The following RPL37 variants were observed in gnomAD, a reference collection of about 807,000 sequenced individuals.
The protein encoded by RPL37 is large ribosomal subunit protein eL37.
RPL37 carries 1 observed loss-of-function variant against 14.8 expected under a neutral mutation model. The observed-to-expected ratio is 0.07, with a 90% CI of 0.02 to 0.32. The LOEUF is 0.32. RPL37 is among the 10% of genes least tolerant of loss of function. The pLI is 1.00. For missense variants in RPL37, 100 were observed against 128.3 expected, an observed-to-expected ratio of 0.78 and a Z score of 1.06; for synonymous variants, 53 against 45.8, an observed-to-expected ratio of 1.16 and a Z score of -0.63.
chr5:40,834,906 C>T, intron 1 of RPL37: 1 of 611,060 alleles, frequency 1.6e-6, no homozygotes, highest in Non-Finnish European at 2.9e-6. Context: ...AACTCCTTCC[C>T]TCGGCTCCCA....
intron 3 of RPL37, 91 bp from the exon 4 acceptor site, chr5:40,832,664 T>A (rs1242291912): frequency 3.2e-6 from 3 of 931,172 alleles, no homozygotes; most frequent in East Asian, 4.8e-5. Flanking sequence ...TGCGCTTATC[T>A]CAGTTAAATG....
chr5:40,832,878 G>A, intron 3 of RPL37: 1 of 415,566 alleles, frequency 2.4e-6, no homozygotes. Flanking sequence ...CAGATTATTT[G>A]TGAAAATGGT....
In RPL37 at chr5:40,826,228, A is replaced by C. The variant is rs1176519759; in HGVS notation, c.*6276T>G. On this transcript the variant is annotated 3_prime_UTR_variant, in exon 4 of 4. Transcript: ENST00000274242. Reference sequence around the variant, plus strand: ...GATGTTTATTTGCAGAGCTACATAAATATAACCTTATTAGAATGGGATTTT... The same window carrying C: ...GATGTTTATTTGCAGAGCTACATAACTATAACCTTATTAGAATGGGATTTT... The C allele has an allele frequency of 1.3e-5, 2 of 152,246 alleles. No homozygotes were observed. Among genetic ancestry groups the C allele is most frequent in the Non-Finnish European group, 2.9e-5 (2 of 68,032 alleles). The allele number at this position is 152,246 out of a possible 1,614,324, so 9.4% of individuals were successfully genotyped here. A position where few individuals can be genotyped will look rare whatever the true frequency, so the allele number is the denominator to read the frequency against.
chr5:40,834,799 G>A (rs1745729679), intron 1 of RPL37, among the ~76,000 whole-genome samples, 193 bp from the exon 2 acceptor site: 1 of 152,178 alleles, frequency 6.6e-6, no homozygotes, highest in Non-Finnish European at 1.5e-5. Flanking sequence ...CTCCGCAAGA[G>A]TTGCAATGTT....
intron 3 of RPL37, among the ~76,000 whole-genome samples, chr5:40,833,597 C>T (rs1431857109): frequency 6.6e-6 from 1 of 152,200 alleles, no homozygotes; most frequent in Non-Finnish European, 1.5e-5. Context: ...CCCACAGCCA[C>T]TATACTAAAG....
rs1294179513 is a variant in RPL37, at chr5:40,828,389, TAA to T, written c.*4113_*4114del. The T allele has an allele frequency of 2.0e-5, 3 of 152,048 alleles. No homozygotes were observed. Among genetic ancestry groups the T allele is most frequent in the African/African-American group, 7.3e-5 (3 of 41,286 alleles). 9.4% of individuals were successfully genotyped at this position (152,048 alleles called of 1,614,324 possible). On this transcript the variant is annotated 3_prime_UTR_variant, in exon 4 of 4. Transcript: ENST00000274242. ...CAGGGTCTTTGTTTTGTTTTCCACT[TAA>T]AAGTTTCTGGGCCTAGATAGCTTTT... is the stretch of plus-strand genomic sequence containing the variant.
In RPL37 at chr5:40,825,396, A is replaced by C. The variant is rs138253080; in HGVS notation, c.*7108T>G. 1 of 152,218 alleles carries C rather than the reference A, an allele frequency of 6.6e-6. No individual in the cohort carries two copies. The highest frequency in any genetic ancestry group is 6.5e-5 in the Admixed American group (1 of 15,278). 9.4% of individuals were successfully genotyped at this position (152,218 alleles called of 1,614,324 possible). A position where few individuals can be genotyped will look rare whatever the true frequency, so the allele number is the denominator to read the frequency against. ...TTGCCTTTGCAAAACAAATGGAGAT[A>C]TATCAACTCTCATACAATTCTAAAA... On this transcript the variant is annotated 3_prime_UTR_variant, in exon 4 of 4. Coordinates refer to ENST00000274242, the MANE Select transcript of RPL37 (RefSeq NM_000997.5).
chr5:40,835,162 A>AAC (rs1561209654), intron 1 of RPL37, 21 bp downstream of exon 1: 2 of 1,614,102 alleles, frequency 1.2e-6, no homozygotes, highest in Admixed American at 3.3e-5. Context: ...GCGATTCACA[A>AAC]ACACCACAGT....
At chr5:40,834,406 T>C in intron 2 of RPL37, 65 bp downstream of exon 2, 1 of 1,592,516 alleles carries the variant, frequency 6.3e-7, no homozygotes, top group South Asian at 1.1e-5. Context: ...AGTTCAAACC[T>C]ATGCCCCCAC....
In RPL37 at chr5:40,832,527, C is replaced by G; in HGVS notation, c.271G>C (p.Val91Leu). The change falls in exon 4 of 4, where the codon GTT (valine) becomes CTT (leucine). Residue 91 changes from valine to leucine, a missense_variant. Transcript: ENST00000274242. ...GTTPKPKRAA[V>L]AASSSS ...TCTTAAGATGAACTGGATGCTGCAA[C>G]AGCTGCCCTCTTGGGTTTAGGTGTT... is the stretch of plus-strand genomic sequence containing the variant. 7.4e-6 allele frequency: 12 copies of G among 1,613,872 alleles called. No homozygotes were observed. The highest frequency in any genetic ancestry group is 1.0e-5 in the Non-Finnish European group (12 of 1,179,904).
rs148169602 is a variant in RPL37 at position 40,832,436 on chromosome 5, C to T, written c.*68G>A. On this transcript the variant is annotated 3_prime_UTR_variant, in exon 4 of 4. Transcript: ENST00000274242. ...CTACAAGCCTAATTGATTAAAAATA[C>T]CTTACCAAAACCAGATATGTATTTT... 2.6e-4 allele frequency: 352 copies of T among 1,361,196 alleles called. 1 individual carries two copies. The African/African-American group carries it at 3.8e-3, about 15-fold the overall frequency. 84.3% of individuals were successfully genotyped at this position (1,361,196 alleles called of 1,614,324 possible).
rs753431225 is a variant in RPL37 at position 40,829,675 on chromosome 5, G to GTATACATATATA, written c.*2828_*2829insTATATATGTATA. 3.0e-5 allele frequency: 2 copies of GTATACATATATA among 65,916 alleles called. No individual in the cohort carries two copies. Among genetic ancestry groups the GTATACATATATA allele is most frequent in the Non-Finnish European group, 6.3e-5 (2 of 31,680 alleles). The allele number at this position is 65,916 out of a possible 1,614,324, so 4.1% of individuals were successfully genotyped here. A position where few individuals can be genotyped will look rare whatever the true frequency, so the allele number is the denominator to read the frequency against. On this transcript the variant is annotated 3_prime_UTR_variant, in exon 4 of 4. Coordinates refer to ENST00000274242, the MANE Select transcript of RPL37 (RefSeq NM_000997.5). Reference sequence around the variant, plus strand: ...TATCCATCATAGTGTGTGTGTGTGTGTGTATATATATATATATATATATCA... The same window carrying GTATACATATATA: ...TATCCATCATAGTGTGTGTGTGTGTGTATACATATATATGTATATATATATATATATATATCA...
intron 3 of RPL37, 121 bp downstream of exon 3, chr5:40,834,060 T>A (rs547093604): frequency 1.4e-6 from 1 of 739,418 alleles, no homozygotes; most frequent in African/African-American, 1.8e-5. Context: ...CAACAATAAA[T>A]AAAAAGCTTC....
At chr5:40,833,916 G>A (rs373582424) in intron 3 of RPL37, 2 of 432,050 alleles carry the variant, frequency 4.6e-6, no homozygotes, top group East Asian at 4.7e-5. Flanking sequence ...ATGTGGCAGC[G>A]CACACCTGTA....
intron 2 of RPL37, 92 bp from the exon 3 acceptor site, chr5:40,834,357 G>T: frequency 6.4e-7 from 1 of 1,558,596 alleles, no homozygotes. Flanking sequence ...CACCTCATCG[G>T]CATACAGATG....
chr5:40,834,119 G>A lies in RPL37; in HGVS notation c.224+62C>T, dbSNP rs766534583. On this transcript the variant is annotated intron_variant, in intron 3 of 3. Coordinates refer to ENST00000274242, the MANE Select transcript of RPL37 (RefSeq NM_000997.5). ...TCAGGGTACTGTTATCTTTTTACAAGTAAACACGAGGGTTTCATTCAAGCC... is the reference window on the plus strand; with the variant it reads ...TCAGGGTACTGTTATCTTTTTACAAATAAACACGAGGGTTTCATTCAAGCC... 5 of 1,143,104 alleles carry A rather than the reference G, an allele frequency of 4.4e-6. No individual in the cohort carries two copies. The South Asian group carries it at 4.9e-5, about 11-fold the overall frequency. 70.8% of individuals were successfully genotyped at this position (1,143,104 alleles called of 1,614,324 possible). A position where few individuals can be genotyped will look rare whatever the true frequency, so the allele number is the denominator to read the frequency against.
Position 40,829,547 on chromosome 5 carries a change from CATG to C in RPL37, c.*2954_*2956del, listed in dbSNP as rs1235408189. The C allele has an allele frequency of 1.3e-5, 2 of 152,136 alleles. No individual in the cohort carries two copies. Among genetic ancestry groups the C allele is most frequent in the African/African-American group, 4.8e-5 (2 of 41,420 alleles). 9.4% of individuals were successfully genotyped at this position (152,136 alleles called of 1,614,324 possible). A position where few individuals can be genotyped will look rare whatever the true frequency, so the allele number is the denominator to read the frequency against. On this transcript the variant is annotated 3_prime_UTR_variant, in exon 4 of 4. Coordinates refer to ENST00000274242, the MANE Select transcript of RPL37 (RefSeq NM_000997.5). ...CAAAGCCACTTACCTTCTCTCTCAT[CATG>C]ATTCCTTCAAGTCCTCCCTGGCTCA...
Position 40,832,289 on chromosome 5 carries a change from T to C in RPL37, c.*215A>G. ...AAGGACTCCTGGAATTCTGCTTGTT[T>C]CTCATTGCCTTTAACCGTGTTACAA... On this transcript the variant is annotated 3_prime_UTR_variant, in exon 4 of 4. Transcript: ENST00000274242. 1 of 553,190 alleles carries C rather than the reference T, an allele frequency of 1.8e-6. No homozygotes were observed. 34.3% of individuals were successfully genotyped at this position (553,190 alleles called of 1,614,324 possible).
At position 40,832,459 on chromosome 5, in the gene RPL37, T is replaced by C. The variant is rs760174086; in HGVS notation, c.*45A>G. 5 of 1,536,570 alleles carry C rather than the reference T, an allele frequency of 3.3e-6. No individual in the cohort carries two copies. The highest frequency in any genetic ancestry group is 3.3e-5 in the Admixed American group (2 of 59,910). On this transcript the variant is annotated 3_prime_UTR_variant, in exon 4 of 4. Coordinates refer to ENST00000274242, the MANE Select transcript of RPL37 (RefSeq NM_000997.5). ...TACCTTACCAAAACCAGATATGTAT[T>C]TTTTAAAACCAGAACATTTATTGCA...
Sources: allele counts gnomAD v4.1 joint callset (sites outside exome capture counted in the v4.1 genomes callset), GRCh38; gene constraint gnomAD v4.1.1; transcripts MANE v1.5; gene names NCBI Gene and HGNC (gene_info 2026-07-23, HGNC 2026-07-21).